Variants in DSC3 observed in about 807,000 individuals in gnomAD.
DSC3 encodes the protein desmocollin 3, also known as desmocollin-3.
A neutral mutation model predicts 89.5 loss-of-function variants in DSC3; 97 were observed. That is an observed-to-expected ratio of 1.08 (90% CI 0.92 to 1.28). The LOEUF is 1.28. Ranked by LOEUF, DSC3 falls within the 50% of genes most tolerant of loss-of-function variation. The pLI, the probability that DSC3 is intolerant of heterozygous loss-of-function variation, is 0.00. For synonymous variants in DSC3, 436 were observed against 384.1 expected (o/e 1.14, Z -1.58); for missense variants, 1,199 against 1,085.3 (o/e 1.10, Z -1.47).
intron 5 of DSC3, among the ~76,000 whole-genome samples, chr18:31,025,234 C>T (rs901264413): frequency 2.6e-5 from 4 of 152,124 alleles, no homozygotes; most frequent in Admixed American, 6.6e-5. Context: ...GAGTTATTTG[C>T]TATTGACTAT....
chr18:31,009,540 C>A (rs529070785), intron 9 of DSC3, among the ~76,000 whole-genome samples: 1 of 152,260 alleles, frequency 6.6e-6, no homozygotes, highest in South Asian at 2.1e-4. Context: ...ATGAAAATTA[C>A]ATTTTTGAAA....
At chr18:31,042,552 C>T (rs897428136) in intron 1 of DSC3, 40 bp downstream of exon 1, 11 of 1,541,700 alleles carry the variant, frequency 7.1e-6, no homozygotes, top group Middle Eastern at 1.7e-4. Flanking sequence ...GGATCCACCC[C>T]CGTCCCCACC....
At chr18:30,998,428 C>T (rs1444696401) in intron 14 of DSC3, among the ~76,000 whole-genome samples, 1 of 152,122 alleles carries the variant, frequency 6.6e-6, no homozygotes, top group Non-Finnish European at 1.5e-5. Flanking sequence ...AAAGTTTGAA[C>T]ATGGTAAACA....
chr18:31,036,489 TC>T (rs904729256), intron 1 of DSC3, among the ~76,000 whole-genome samples: 6 of 152,174 alleles, frequency 3.9e-5, no homozygotes, highest in Admixed American at 6.5e-5. Flanking sequence ...TTTGTTTTTT[TC>T]ATTTGACACA....
chr18:31,001,287 T>A (rs886797077), intron 14 of DSC3, among the ~76,000 whole-genome samples: 1 of 151,588 alleles, frequency 6.6e-6, no homozygotes, highest in Non-Finnish European at 1.5e-5. Context: ...TTATAAATGG[T>A]CAACAAGTTA....
chr18:31,005,301 G>A (rs1418989881), intron 12 of DSC3, among the ~76,000 whole-genome samples: 2 of 152,178 alleles, frequency 1.3e-5, no homozygotes, highest in African/African-American at 4.8e-5. Context: ...TGGAGCCATT[G>A]TCATGTCTCA....
chr18:31,027,946 C>T (rs906898970), intron 4 of DSC3, among the ~76,000 whole-genome samples: 2 of 152,104 alleles, frequency 1.3e-5, no homozygotes, highest in African/African-American at 4.8e-5. Flanking sequence ...GAACTCTAAT[C>T]CCTGCTAATT....
chr18:31,009,057 T>A (rs1984968866), intron 9 of DSC3, among the ~76,000 whole-genome samples: 1 of 152,158 alleles, frequency 6.6e-6, no homozygotes, highest in African/African-American at 2.4e-5. Context: ...TCTTTTATTT[T>A]ATTTTTGAGA....
chr18:31,026,308 T>C (rs556160280), intron 4 of DSC3, among the ~76,000 whole-genome samples: 3 of 141,842 alleles, frequency 2.1e-5, no homozygotes, highest in Admixed American at 1.5e-4. Flanking sequence ...GATGAAGAGG[T>C]AATGAGGTAA....
rs376836379 is a variant in DSC3, at chr18:31,032,174, A to G, written c.154+18T>C. 7 of 1,563,288 alleles carry G rather than the reference A, an allele frequency of 4.5e-6. No individual in the cohort carries two copies. In the African/African-American group the frequency reaches 9.5e-5, roughly 21 times the overall value. On this transcript the variant is annotated intron_variant, in intron 2 of 15. Transcript: ENST00000360428. ...TAAACTAAATTTCTGCTTTAAAAAGACTTTTAAAATTTCTCACCTCTGCCA... is the reference window on the plus strand; with the variant it reads ...TAAACTAAATTTCTGCTTTAAAAAGGCTTTTAAAATTTCTCACCTCTGCCA...
At position 31,004,310 on chromosome 18, in the gene DSC3, G is replaced by A; in HGVS notation, c.1945C>T (p.Pro649Ser). The change falls in exon 13 of 16, where the codon CCT becomes TCT. Residue 649 changes from proline (P) to serine (S), a missense_variant. Coordinates refer to ENST00000360428, the MANE Select transcript of DSC3 (RefSeq NM_001941.5). ...CCGGCCCTGTCTTTTACAGTAATAGGAATGGTATATTCTTGAAATCCAGCA... is the reference window on the plus strand; with the variant it reads ...CCGGCCCTGTCTTTTACAGTAATAGAAATGGTATATTCTTGAAATCCAGCA... ...KNAGFQEYTI[P>S]ITVKDRAGQA... is the part of the protein sequence containing the mutation. 6.2e-7 allele frequency: 1 copy of A among 1,613,970 alleles called. No homozygotes were observed. Among genetic ancestry groups the A allele is most frequent in the Non-Finnish European group, 8.5e-7 (1 of 1,179,924 alleles).
intron 6 of DSC3, among the ~76,000 whole-genome samples, chr18:31,023,918 T>TA (rs946423901): frequency 4.6e-5 from 7 of 151,778 alleles, no homozygotes; most frequent in East Asian, 1.9e-4. Context: ...AATAGGAGCA[T>TA]AAAAAAAACT....
intron 13 of DSC3, among the ~76,000 whole-genome samples, chr18:31,002,336 T>C (rs1984690654): frequency 6.6e-6 from 1 of 152,180 alleles, no homozygotes; most frequent in Non-Finnish European, 1.5e-5. Context: ...TACATATTTT[T>C]GTATGGCCTA....
intron 9 of DSC3, among the ~76,000 whole-genome samples, chr18:31,016,629 G>C (rs550161554): frequency 6.6e-6 from 1 of 152,254 alleles, no homozygotes; most frequent in African/African-American, 2.4e-5. Flanking sequence ...TGGCTCTTCA[G>C]ATTCAGGGTT....
chr18:31,007,256 A>G, intron 11 of DSC3, 125 bp from the exon 12 acceptor site: 1 of 679,576 alleles, frequency 1.5e-6, no homozygotes, highest in Non-Finnish European at 2.5e-6. Context: ...AAAGGAAATG[A>G]TAAATAAATA....
At chr18:31,023,092 C>T (rs931212350) in intron 6 of DSC3, among the ~76,000 whole-genome samples, 2 of 151,878 alleles carry the variant, frequency 1.3e-5, no homozygotes, top group Non-Finnish European at 2.9e-5. Flanking sequence ...AGCTGGGCAT[C>T]GAAGTGTTTG....
At position 31,042,621 on chromosome 18, in the gene DSC3, C is replaced by T. The variant is rs1468665647; in HGVS notation, c.40G>A (p.Val14Ile). ...AGPRRSVRGA[V>I]CLHLLLTLVI... is the part of the protein sequence containing the mutation. The stretch of plus-strand genomic sequence containing the variant: ...AGGGTCAGCAGCAGATGCAGGCAGA[C>T]GGCTCCGCGCACGGAGCGCCGGGGC... The change falls in exon 1 of 16, where the codon GTC (valine) becomes ATC (isoleucine). Residue 14 changes from valine (V) to isoleucine (I), a missense_variant. Physicochemically the swap from Val to Ile is conservative, Grantham distance 29 (BLOSUM62 3). Transcript: ENST00000360428. The T allele has an allele frequency of 1.9e-6, 3 of 1,550,402 alleles. No individual in the cohort carries two copies. The highest frequency in any genetic ancestry group is 2.6e-6 in the Non-Finnish European group (3 of 1,146,862).
At chr18:30,994,591 T>A in intron 15 of DSC3, 7 of 977,634 alleles carry the variant, frequency 7.2e-6, no homozygotes, top group South Asian at 1.4e-5. Context: ...AAATAAAAAA[T>A]TATGTATACA....
At chr18:30,999,082 C>T (rs925645371) in intron 14 of DSC3, among the ~76,000 whole-genome samples, 14 of 152,234 alleles carry the variant, frequency 9.2e-5, no homozygotes, top group East Asian at 3.9e-4. Flanking sequence ...AACTTCACTC[C>T]GACCCTCTGA....
Sources: allele counts gnomAD v4.1 joint callset (sites outside exome capture counted in the v4.1 genomes callset), GRCh38; gene constraint gnomAD v4.1.1; transcripts MANE v1.5; gene names NCBI Gene and HGNC (gene_info 2026-07-23, HGNC 2026-07-21).